ZNF141: variants seen among roughly 807,000 people sequenced by gnomAD.
ZNF141 encodes the protein zinc finger protein 141 (clone pHZ-44).
In ZNF141, 7 loss-of-function variants were observed where a neutral mutation model predicts 11.3. That is an observed-to-expected ratio of 0.62 (90% CI 0.35 to 1.16). ZNF141 has a LOEUF of 1.16. Ranked by LOEUF, ZNF141 falls within the 50% of genes most tolerant of loss-of-function variation. The probability of loss-of-function intolerance (pLI) is 0.02; values close to 1 mark genes in which losing one functional copy is unlikely to be tolerated. For missense variants in ZNF141, 535 were observed against 554.0 expected (o/e 0.97, Z 0.34); for synonymous variants, 183 against 190.7 (o/e 0.96, Z 0.33).
At chr4:365,751 C>T (rs187291020) in intron 3 of ZNF141, among the ~76,000 whole-genome samples, 9 of 152,280 alleles carry the variant, frequency 5.9e-5, no homozygotes, top group Non-Finnish European at 1.3e-4. Context: ...CTATGTTTAT[C>T]CAAATAGCTT....
chr4:383,039 G>C lies in ZNF141; in HGVS notation c.*9177G>C. ...CTTGACTTATCTGCACTGGCACAGG[G>C]TGCCAGTTTGGGGCCCAGGTTTAAA... is the stretch of plus-strand genomic sequence containing the variant. On this transcript the variant is annotated 3_prime_UTR_variant, in exon 4 of 4. Coordinates refer to ENST00000240499, the MANE Select transcript of ZNF141 (RefSeq NM_003441.4). The C allele has an allele frequency of 1.6e-6, 1 of 621,716 alleles. No homozygotes were observed. Among genetic ancestry groups the C allele is most frequent in the African/African-American group, 1.8e-5 (1 of 54,410 alleles). The allele number at this position is 621,716 out of a possible 1,614,324, so 38.5% of individuals were successfully genotyped here.
chr4:369,748 ATATATATATATATATATTTTTTTTTTT>A (rs1560196708), intron 3 of ZNF141, among the ~76,000 whole-genome samples: 1,139 of 36,310 alleles, frequency 0.031, 101 homozygotes, highest in African/African-American at 0.12. Context: ...ATATATATAT[ATATATATATATATATATTTTTTTTTTT>A]TTTTTTTTTG....
In ZNF141 at chr4:360,546, CTT is replaced by C. The variant is rs1338400570; in HGVS notation, c.227-12117_227-12116del. 3.3e-5 allele frequency among the ~76,000 whole-genome samples: 5 copies of C among 152,268 alleles called. No homozygotes were observed. In the East Asian group the frequency reaches 9.6e-4, roughly 29 times the overall value. ...AATATTTTATAGGTCAGAATTTTCT[CTT>C]GTTTTCAACTGTATTTTACTGGGGA... On this transcript the variant is annotated intron_variant, in intron 3 of 3. Transcript: ENST00000240499.
At chr4:345,729 C>CAAA (rs1321182710) in intron 3 of ZNF141, among the ~76,000 whole-genome samples, 382 of 64,176 alleles carry the variant, frequency 6.0e-3, no homozygotes, top group African/African-American at 0.011. Flanking sequence ...ACTCTGTCTC[C>CAAA]AAAAAAAAAA....
At chr4:347,769 A>G (rs946640228) in intron 3 of ZNF141, among the ~76,000 whole-genome samples, 6 of 146,784 alleles carry the variant, frequency 4.1e-5, no homozygotes, top group Non-Finnish European at 1.5e-5. Context: ...CCTTTTGCCT[A>G]TTTTCGAATG....
Position 381,447 on chromosome 4 carries a change from C to G in ZNF141, c.*7585C>G, listed in dbSNP as rs943113622. On this transcript the variant is annotated 3_prime_UTR_variant, in exon 4 of 4. Transcript: ENST00000240499. The stretch of plus-strand genomic sequence containing the variant: ...TTTTTGAGACGTTGTCTTGCTCTGT[C>G]GCCCAGGCTGGAGTGCAGTGGTGCA... Among the ~76,000 whole-genome samples, 1 of 122,750 alleles carries G rather than the reference C, an allele frequency of 8.1e-6. No individual in the cohort carries two copies. Among genetic ancestry groups the G allele is most frequent in the South Asian group, 2.6e-4 (1 of 3,868 alleles). The allele number at this position is 122,750 out of a possible 152,430, so 80.5% of individuals were successfully genotyped here. A position where few individuals can be genotyped will look rare whatever the true frequency, so the allele number is the denominator to read the frequency against.
intron 3 of ZNF141, among the ~76,000 whole-genome samples, chr4:371,018 CACCAT>C (rs1356153253): frequency 6.6e-6 from 1 of 151,866 alleles, no homozygotes; most frequent in Non-Finnish European, 1.5e-5. Context: ...AGGCATGAGC[CACCAT>C]GCCTGGCCAC....
Position 349,694 on chromosome 4 carries a change from G to A in ZNF141, c.226+5264G>A, listed in dbSNP as rs552410296. ...TGCAGAGAAGAAGGGTTGTAGCTGG[G>A]TCACAAGGGTGCTGCTGGGTCTGCT... On this transcript the variant is annotated intron_variant, in intron 3 of 3. Coordinates refer to ENST00000240499, the MANE Select transcript of ZNF141 (RefSeq NM_003441.4). 1.5e-4 allele frequency among the ~76,000 whole-genome samples: 23 copies of A among 152,304 alleles called. No individual in the cohort carries two copies. The South Asian group carries it at 2.3e-3, about 15-fold the overall frequency.
Position 379,407 on chromosome 4 carries a change from G to A in ZNF141, c.*5545G>A, listed in dbSNP as rs781856209. Among the ~76,000 whole-genome samples the A allele has an allele frequency of 4.0e-4, 61 of 151,940 alleles. No homozygotes were observed. The highest frequency in any genetic ancestry group is 7.2e-4 in the Non-Finnish European group (49 of 67,956). ...TATTTTATTTTTGAGACGGAGTCTC[G>A]CTCTGTCGCCAGGCTGGAGTACAGT... On this transcript the variant is annotated 3_prime_UTR_variant, in exon 4 of 4. Transcript: ENST00000240499.
rs1252140226 is a variant in ZNF141 at position 374,616 on chromosome 4, A to T, written c.*754A>T. ...GAAAATTCATATTTGAGAGTAGAAGATTCATTCCACAAACTTACATTGAGA... is the reference window on the plus strand; with the variant it reads ...GAAAATTCATATTTGAGAGTAGAAGTTTCATTCCACAAACTTACATTGAGA... On this transcript the variant is annotated 3_prime_UTR_variant, in exon 4 of 4. Transcript: ENST00000240499. 6.3e-6 allele frequency: 1 copy of T among 158,134 alleles called. No individual in the cohort carries two copies. Among genetic ancestry groups the T allele is most frequent in the African/African-American group, 2.4e-5 (1 of 41,594 alleles). The allele number at this position is 158,134 out of a possible 1,614,324, so 9.8% of individuals were successfully genotyped here. A position where few individuals can be genotyped will look rare whatever the true frequency, so the allele number is the denominator to read the frequency against.
At chr4:368,752 C>G (rs961045758) in intron 3 of ZNF141, among the ~76,000 whole-genome samples, 1 of 152,262 alleles carries the variant, frequency 6.6e-6, no homozygotes, top group African/African-American at 2.4e-5. Context: ...CATACTCATA[C>G]CAAATTGCTT....
At chr4:366,833 A>G (rs1450659283) in intron 3 of ZNF141, among the ~76,000 whole-genome samples, 4 of 151,868 alleles carry the variant, frequency 2.6e-5, no homozygotes, top group African/African-American at 9.7e-5. Context: ...GCACCTGGTT[A>G]ATTTTTGTAT....
Position 373,490 on chromosome 4 carries a change from C to A in ZNF141, c.1053C>A (p.Ser351=). 6.2e-7 allele frequency: 1 copy of A among 1,613,834 alleles called. No individual in the cohort carries two copies. The highest frequency in any genetic ancestry group is 8.5e-7 in the Non-Finnish European group (1 of 1,179,944). ...CEECGKAFRQ[S]SKLNEHKKVH... is the part of the protein sequence containing the mutation. ...AATGTGGCAAAGCTTTTAGACAGTCCTCAAAACTGAATGAACATAAGAAAG... is the reference window on the plus strand; with the variant it reads ...AATGTGGCAAAGCTTTTAGACAGTCATCAAAACTGAATGAACATAAGAAAG... Residue 351 remains serine (S), a synonymous_variant, in exon 4 of 4, where the codon TCC becomes TCA. Transcript: ENST00000240499.
chr4:378,835 A>ATTTTTTTT lies in ZNF141; in HGVS notation c.*4993_*5000dup, dbSNP rs570639890. Among the ~76,000 whole-genome samples, 17 of 78,624 alleles carry ATTTTTTTT rather than the reference A, an allele frequency of 2.2e-4. 1 individual carries two copies. The highest frequency in any genetic ancestry group is 7.6e-4 in the East Asian group (2 of 2,626). 51.6% of individuals were successfully genotyped at this position (78,624 alleles called of 152,430 possible). A position where few individuals can be genotyped will look rare whatever the true frequency, so the allele number is the denominator to read the frequency against. On this transcript the variant is annotated 3_prime_UTR_variant, in exon 4 of 4. Coordinates refer to ENST00000240499, the MANE Select transcript of ZNF141 (RefSeq NM_003441.4). ...GTTGAATCCAAACAGTTTCTCAGTG[A>ATTTTTTTT]TTTTTTTTTTTTTTTTTTTTTTTTT...
intron 1 of ZNF141, among the ~76,000 whole-genome samples, chr4:343,153 G>A (rs187753263): frequency 6.6e-6 from 1 of 152,144 alleles, no homozygotes. Context: ...CCAGGGTGAA[G>A]CATGAGGGCT....
At chr4:371,258 G>A (rs1486931117) in intron 3 of ZNF141, among the ~76,000 whole-genome samples, 1 of 147,694 alleles carries the variant, frequency 6.8e-6, no homozygotes, top group Non-Finnish European at 1.5e-5. Flanking sequence ...TTGAGATGGA[G>A]TCTCATTCTG....
chr4:361,704 A>G (rs1711509270), intron 3 of ZNF141, among the ~76,000 whole-genome samples: 1 of 152,182 alleles, frequency 6.6e-6, no homozygotes, highest in South Asian at 2.1e-4. Flanking sequence ...AAAGGACAAG[A>G]ACTCATCCTT....
At chr4:343,505 C>T (rs1386874582) in intron 1 of ZNF141, among the ~76,000 whole-genome samples, 1 of 151,948 alleles carries the variant, frequency 6.6e-6, no homozygotes, top group Non-Finnish European at 1.5e-5. Flanking sequence ...GAGGGCGGAT[C>T]ACAAGGTCAG....
intron 1 of ZNF141, among the ~76,000 whole-genome samples, chr4:341,341 G>A (rs1272733407): frequency 1.3e-5 from 2 of 152,116 alleles, no homozygotes; most frequent in South Asian, 4.1e-4. Flanking sequence ...GATTACAGGC[G>A]TGAGCCACCG....
Sources: allele counts gnomAD v4.1 joint callset (sites outside exome capture counted in the v4.1 genomes callset), GRCh38; gene constraint gnomAD v4.1.1; transcripts MANE v1.5; gene names NCBI Gene and HGNC (gene_info 2026-07-23, HGNC 2026-07-21).